Variants in MANSC4 observed in about 807,000 individuals in gnomAD.
MANSC4 encodes the protein MANSC domain containing 4, also known as MANSC domain-containing protein 4.
Under a neutral mutation model 11.4 loss-of-function variants are expected in MANSC4, and 11 were observed. The ratio of observed to expected loss-of-function variants is 0.97; its 90% CI spans 0.61 to 1.60. MANSC4 has a LOEUF of 1.60. MANSC4 is among the 40% of genes most tolerant of loss of function. The probability of loss-of-function intolerance (pLI) is 0.00; values close to 1 mark genes in which losing one functional copy is unlikely to be tolerated. For synonymous variants in MANSC4, 123 were observed against 147.1 expected (o/e 0.84, Z 1.19); for missense variants, 354 against 404.6 (o/e 0.88, Z 1.07).
At chr12:27,769,002 T>C (rs1401879374) in intron 2 of MANSC4, among the ~76,000 whole-genome samples, 2 of 152,192 alleles carry the variant, frequency 1.3e-5, no homozygotes, top group African/African-American at 4.8e-5. Flanking sequence ...TGCCTAAAGC[T>C]GTGGATCTGC....
At chr12:27,770,198 AGAGAGT>A (rs1219872292) in intron 2 of MANSC4, among the ~76,000 whole-genome samples, 2 of 146,912 alleles carry the variant, frequency 1.4e-5, no homozygotes, top group Non-Finnish European at 3.1e-5. Context: ...AGAGAGAGAG[AGAGAGT>A]CAGTCTCACT....
intron 1 of MANSC4, among the ~76,000 whole-genome samples, chr12:27,778,098 G>A (rs2062126088): frequency 6.6e-6 from 1 of 151,888 alleles, no homozygotes; most frequent in Non-Finnish European, 1.5e-5. Flanking sequence ...GGTGGCTCAT[G>A]CCTGGAATCC....
At chr12:27,766,411 A>G (rs1310651724) in intron 3 of MANSC4, among the ~76,000 whole-genome samples, 1 of 152,142 alleles carries the variant, frequency 6.6e-6, no homozygotes, top group African/African-American at 2.4e-5. Context: ...GAGATTCATG[A>G]AATACAGTGG....
rs562147295 is a variant in MANSC4, at chr12:27,766,216, C to T, written c.364+449G>A. The stretch of plus-strand genomic sequence containing the variant: ...CTGAGTAGCTGGGACTACAGGTGTG[C>T]GCCACCACGCACAGCTAATTTTTGT... On this transcript the variant is annotated intron_variant, in intron 3 of 3. Transcript: ENST00000381273. Among the ~76,000 whole-genome samples the T allele has an allele frequency of 5.5e-4, 84 of 152,148 alleles. No homozygotes were observed. In the Middle Eastern group the frequency reaches 0.017, roughly 31 times the overall value.
intron 2 of MANSC4, among the ~76,000 whole-genome samples, chr12:27,769,963 G>A (rs35466332): frequency 6.6e-6 from 1 of 152,100 alleles, no homozygotes; most frequent in Non-Finnish European, 1.5e-5. Flanking sequence ...TTAATTGCAG[G>A]TCTTGATCAT....
chr12:27,774,902 T>C lies in MANSC4; in HGVS notation c.-306-3320A>G, dbSNP rs191952739. Among the ~76,000 whole-genome samples, 1,030 of 152,188 alleles carry C rather than the reference T, an allele frequency of 6.8e-3. 12 individuals carry two copies. The highest frequency in any genetic ancestry group is 0.024 in the African/African-American group (991 of 41,538). ...AGCTGGGTGTGGTGGCAGGTGCCTG[T>C]AGTCCCAGCTACTCGGGAGGCTGAG... On this transcript the variant is annotated intron_variant, in intron 1 of 3. Coordinates refer to ENST00000381273, the MANE Select transcript of MANSC4 (RefSeq NM_001146221.5).
At chr12:27,767,859 A>G (rs911197374) in intron 2 of MANSC4, among the ~76,000 whole-genome samples, 2 of 152,230 alleles carry the variant, frequency 1.3e-5, no homozygotes, top group Non-Finnish European at 2.9e-5. Flanking sequence ...TGGGAAGGGC[A>G]AAAGAGTAAT....
In MANSC4 at chr12:27,766,686, T is replaced by A; in HGVS notation, c.343A>T (p.Ile115Phe). 4 of 1,551,414 alleles carry A rather than the reference T, an allele frequency of 2.6e-6. No individual in the cohort carries two copies. Among genetic ancestry groups the A allele is most frequent in the Non-Finnish European group, 3.5e-6 (4 of 1,146,942 alleles). The change falls in exon 3 of 4, where the codon ATT becomes TTT. Residue 115 changes from isoleucine to phenylalanine, a missense_variant. By Grantham distance (21) the Ile-to-Phe change is conservative. Transcript: ENST00000381273. ...TTACCGTCTGTTATGTTGTACAAAA[T>A]GGCACTGGTTCCAGGCTCTAATATG... is the stretch of plus-strand genomic sequence containing the variant. ...SCILEPGTSA[I>F]LYNITDGIDP... is the part of the protein sequence containing the mutation.
intron 2 of MANSC4, among the ~76,000 whole-genome samples, chr12:27,768,985 C>G (rs915782374): frequency 6.6e-6 from 1 of 152,124 alleles, no homozygotes; most frequent in Non-Finnish European, 1.5e-5. Context: ...TACCAGACCT[C>G]AAAGCATGCC....
chr12:27,763,770 A>G (rs1379870189), intron 3 of MANSC4, among the ~76,000 whole-genome samples: 1 of 151,914 alleles, frequency 6.6e-6, no homozygotes, highest in Non-Finnish European at 1.5e-5. Flanking sequence ...TTGCCCTATC[A>G]CCCAGGCTGG....
chr12:27,762,719 A>C lies in MANSC4; in HGVS notation c.*19T>G. 4 of 1,487,944 alleles carry C rather than the reference A, an allele frequency of 2.7e-6. No individual in the cohort carries two copies. Among genetic ancestry groups the C allele is most frequent in the Non-Finnish European group, 3.6e-6 (4 of 1,118,384 alleles). 92.2% of individuals were successfully genotyped at this position (1,487,944 alleles called of 1,614,324 possible). A position where few individuals can be genotyped will look rare whatever the true frequency, so the allele number is the denominator to read the frequency against. On this transcript the variant is annotated 3_prime_UTR_variant, in exon 4 of 4. Transcript: ENST00000381273. ...AAAAATGATATCCTTGAAAGCATATAATCTTGCTACAGTTTTTACTATGAA... is the reference window on the plus strand; with the variant it reads ...AAAAATGATATCCTTGAAAGCATATCATCTTGCTACAGTTTTTACTATGAA...
Position 27,771,212 on chromosome 12 carries a change from G to T in MANSC4, c.65C>A (p.Ser22Tyr). ...GTAAAAAATTGTGGGTGAGCAGAGA[G>T]AGTCTGATGTCCACCCCATGCTTAG... ...LLLSMGWTSD[S>Y]LCSPTIFYRD... Residue 22 changes from serine (S) to tyrosine (Y), a missense_variant, in exon 2 of 4, where the codon TCT (serine) becomes TAT (tyrosine). Coordinates refer to ENST00000381273, the MANE Select transcript of MANSC4 (RefSeq NM_001146221.5). 6.4e-7 allele frequency: 1 copy of T among 1,551,950 alleles called. No individual in the cohort carries two copies. The highest frequency in any genetic ancestry group is 8.7e-7 in the Non-Finnish European group (1 of 1,147,096).
chr12:27,777,394 C>T (rs1408533657), intron 1 of MANSC4, among the ~76,000 whole-genome samples: 2 of 152,186 alleles, frequency 1.3e-5, no homozygotes, highest in Admixed American at 6.5e-5. Flanking sequence ...ATAGAAAAAT[C>T]GTAGGTCCAA....
chr12:27,777,840 G>A lies in MANSC4; in HGVS notation c.-307+2370C>T, dbSNP rs1324853471. Among the ~76,000 whole-genome samples the A allele has an allele frequency of 3.3e-5, 5 of 152,144 alleles. No homozygotes were observed. The East Asian group carries it at 7.7e-4, about 23-fold the overall frequency. On this transcript the variant is annotated intron_variant, in intron 1 of 3. Coordinates refer to ENST00000381273, the MANE Select transcript of MANSC4 (RefSeq NM_001146221.5). ...GTGCTTTGAGAGACCAAGGCAGCAGGATCACTTGGGGTGGCAGGATCCCTT... is the reference window on the plus strand; with the variant it reads ...GTGCTTTGAGAGACCAAGGCAGCAGAATCACTTGGGGTGGCAGGATCCCTT...
At chr12:27,771,606 C>T (rs563782959) in intron 1 of MANSC4, among the ~76,000 whole-genome samples, 24 bp from the exon 2 acceptor site, 2 of 152,242 alleles carry the variant, frequency 1.3e-5, no homozygotes, top group East Asian at 3.9e-4. Context: ...GTCACAGACA[C>T]CTTTTGCTAA....
chr12:27,765,211 C>T (rs2062067185), intron 3 of MANSC4, among the ~76,000 whole-genome samples: 1 of 152,206 alleles, frequency 6.6e-6, no homozygotes, highest in Non-Finnish European at 1.5e-5. Flanking sequence ...ATTCAATCTT[C>T]CCAATGCTCT....
chr12:27,772,056 CA>C (rs2062103072), intron 1 of MANSC4, among the ~76,000 whole-genome samples: 3 of 106,740 alleles, frequency 2.8e-5, no homozygotes, highest in African/African-American at 8.0e-5. Context: ...AAAATCAAAC[CA>C]AACAAACAAA....
Position 27,762,686 on chromosome 12 carries a change from A to T in MANSC4, c.*52T>A. The T allele has an allele frequency of 7.0e-7, 1 of 1,428,700 alleles. No individual in the cohort carries two copies. The highest frequency in any genetic ancestry group is 9.2e-7 in the Non-Finnish European group (1 of 1,084,206). 88.5% of individuals were successfully genotyped at this position (1,428,700 alleles called of 1,614,324 possible). A position where few individuals can be genotyped will look rare whatever the true frequency, so the allele number is the denominator to read the frequency against. On this transcript the variant is annotated 3_prime_UTR_variant, in exon 4 of 4. Transcript: ENST00000381273. ...TTTTAACCAAACTGCGTTTTCTTAC[A>T]CAAAACTAAAAATGATATCCTTGAA...
intron 2 of MANSC4, among the ~76,000 whole-genome samples, chr12:27,767,110 G>A (rs182523279): frequency 6.6e-6 from 1 of 152,128 alleles, no homozygotes; most frequent in African/African-American, 2.4e-5. Context: ...CTCCCAAATA[G>A]CTGGGACTAG....
Sources: gnomAD v4.1 joint callset for allele counts (sites outside exome capture counted in the v4.1 genomes callset) on GRCh38, gnomAD v4.1.1 for gene constraint, MANE v1.5 for transcripts, NCBI Gene and HGNC (gene_info 2026-07-23, HGNC 2026-07-21) for gene names.